The following FIG4 variants were observed in gnomAD, a reference collection of about 807,000 sequenced individuals.
FIG4 encodes FIG4 phosphoinositide 5-phosphatase.
A neutral mutation model predicts 118.6 loss-of-function variants in FIG4; 112 were observed. The observed-to-expected ratio is 0.94, with a 90% CI of 0.81 to 1.11. The LOEUF (loss-of-function observed/expected upper bound fraction) is 1.11, where lower values mean the gene tolerates loss of function less well. Among genes scored for constraint, FIG4 ranks in the 50% least tolerant of loss-of-function variants. FIG4 has a pLI of 0.00. For synonymous variants in FIG4, 369 were observed against 381.2 expected (o/e 0.97, Z 0.37); for missense variants, 969 against 1,111.7 (o/e 0.87, Z 1.83).
At chr6:109,717,950 T>C (rs1775483950) in intron 3 of FIG4, among the ~76,000 whole-genome samples, 1 of 152,208 alleles carries the variant, frequency 6.6e-6, no homozygotes, top group Admixed American at 6.5e-5. Flanking sequence ...TTGTATTGGT[T>C]CGTTCTCGCA....
chr6:109,752,307 ATG>A, intron 10 of FIG4, among the ~76,000 whole-genome samples: 1 of 151,218 alleles, frequency 6.6e-6, no homozygotes, highest in East Asian at 1.9e-4. Flanking sequence ...ATACGTGTGC[ATG>A]TGTCTTTATA....
At chr6:109,823,765 C>T (rs1396024473) in intron 22 of FIG4, among the ~76,000 whole-genome samples, 3 of 152,116 alleles carry the variant, frequency 2.0e-5, no homozygotes, top group Non-Finnish European at 1.5e-5. Flanking sequence ...AAGATGCACC[C>T]TAGCAAGGCT....
intron 21 of FIG4, among the ~76,000 whole-genome samples, chr6:109,795,095 GTTTTTTTTTTTTTTTT>G (rs571649446): frequency 5.1e-4 from 29 of 57,246 alleles, no homozygotes; most frequent in Admixed American, 1.4e-3. Flanking sequence ...ACACTTGCCA[GTTTTTTTTTTTTTTTT>G]TTTTTTTTTT....
intron 16 of FIG4, among the ~76,000 whole-genome samples, chr6:109,779,075 TTTA>T (rs1185087893): frequency 1.9e-4 from 29 of 152,114 alleles, no homozygotes; most frequent in African/African-American, 6.8e-4. Context: ...TTACATTAAA[TTTA>T]TTATTAATAA....
At chr6:109,801,650 T>A (rs570538755) in intron 22 of FIG4, among the ~76,000 whole-genome samples, 56 of 152,310 alleles carry the variant, frequency 3.7e-4, no homozygotes, top group African/African-American at 1.3e-3. Flanking sequence ...CAAGACTGGG[T>A]GAATGCCCCT....
chr6:109,776,879 C>A (rs772588651), intron 15 of FIG4, 43 bp from the exon 16 acceptor site: 3 of 1,473,102 alleles, frequency 2.0e-6, no homozygotes, highest in South Asian at 2.3e-5. Flanking sequence ...AGTTATATAT[C>A]CATCAGTAAT....
chr6:109,766,732 A>G lies in FIG4; in HGVS notation c.1587A>G (p.Leu529=), dbSNP rs1562671940. 2 of 1,613,572 alleles carry G rather than the reference A, an allele frequency of 1.2e-6. No homozygotes were observed. The highest frequency in any genetic ancestry group is 1.1e-5 in the South Asian group (1 of 91,074). The part of the protein sequence containing the change: ...NLQFDTDAVR[L]FEELYEDHGD... Reference sequence around the variant, plus strand: ...AATCGGGTTTTTCTTTTTTTAGGTTATTTGAGGAACTCTATGAAGATCATG... The same window carrying G: ...AATCGGGTTTTTCTTTTTTTAGGTTGTTTGAGGAACTCTATGAAGATCATG... The change falls in exon 15 of 23, where the codon TTA becomes TTG. Residue 529 remains leucine, a synonymous_variant. Transcript: ENST00000230124.
chr6:109,793,786 A>G (rs1778203749), intron 21 of FIG4, among the ~76,000 whole-genome samples: 1 of 152,260 alleles, frequency 6.6e-6, no homozygotes, highest in South Asian at 2.1e-4. Context: ...TATATAAAAT[A>G]TAAAATGCAC....
chr6:109,825,152 A>AAATCT lies in FIG4; in HGVS notation c.2613_2617dup (p.Thr873AsnfsTer20). 1 of 1,614,056 alleles carries AAATCT rather than the reference A, an allele frequency of 6.2e-7. No individual in the cohort carries two copies. The highest frequency in any genetic ancestry group is 8.5e-7 in the Non-Finnish European group (1 of 1,179,916). The stretch of plus-strand genomic sequence containing the variant: ...AGTTCAGCCCCCAAGAGTAGACAGA[A>AAATCT]AATCTACAGAGATCTTCCAAGCCCA... On this transcript the variant is annotated frameshift_variant, in exon 23 of 23. Transcript: ENST00000230124. LOFTEE classifies it high-confidence loss of function.
intron 3 of FIG4, among the ~76,000 whole-genome samples, chr6:109,717,565 A>G (rs572281539): frequency 6.6e-6 from 1 of 152,336 alleles, no homozygotes; most frequent in Non-Finnish European, 1.5e-5. Flanking sequence ...GTATGAATTA[A>G]ATGGTGTTGG....
At chr6:109,707,170 G>A (rs1775094614) in intron 1 of FIG4, among the ~76,000 whole-genome samples, 1 of 151,748 alleles carries the variant, frequency 6.6e-6, no homozygotes, top group Non-Finnish European at 1.5e-5. Flanking sequence ...TGAATTTCTT[G>A]ACTAGCTTTC....
In FIG4 at chr6:109,774,760, T is replaced by C. The variant is rs531923935; in HGVS notation, c.1751-2162T>C. 5.9e-5 allele frequency among the ~76,000 whole-genome samples: 9 copies of C among 152,290 alleles called. No individual in the cohort carries two copies. In the South Asian group the frequency reaches 1.7e-3, roughly 28 times the overall value. On this transcript the variant is annotated intron_variant, in intron 15 of 22. Coordinates refer to ENST00000230124, the MANE Select transcript of FIG4 (RefSeq NM_014845.6). Reference sequence around the variant, plus strand: ...AAAATTGTGTGTACCTGTTTTTCTATTAGGGGTTAATCTGTGTCTTTCCTA... The same window carrying C: ...AAAATTGTGTGTACCTGTTTTTCTACTAGGGGTTAATCTGTGTCTTTCCTA...
At chr6:109,726,735 A>G (rs556777738) in intron 3 of FIG4, among the ~76,000 whole-genome samples, 23 of 152,326 alleles carry the variant, frequency 1.5e-4, no homozygotes, top group African/African-American at 5.5e-4. Context: ...CTTCTTATCC[A>G]TGAGCATAGA....
chr6:109,790,073 T>A (rs72944972), intron 19 of FIG4, among the ~76,000 whole-genome samples: 24,683 of 152,208 alleles, frequency 0.16, 2,450 homozygotes, highest in South Asian at 0.41. Context: ...GCTATAACAT[T>A]ATTTGGGGGA....
chr6:109,728,488 A>G (rs988784249), intron 4 of FIG4, among the ~76,000 whole-genome samples: 19 of 152,302 alleles, frequency 1.2e-4, no homozygotes, highest in African/African-American at 4.6e-4. Flanking sequence ...AGTTTTTAGG[A>G]TAGGTAACAG....
At chr6:109,743,495 A>T (rs1776387830) in intron 9 of FIG4, 180 bp from the exon 10 acceptor site, 1 of 667,106 alleles carries the variant, frequency 1.5e-6, no homozygotes, top group Admixed American at 2.5e-5. Flanking sequence ...TGTAAGAATC[A>T]TTCAAATGTA....
intron 16 of FIG4, among the ~76,000 whole-genome samples, chr6:109,783,904 T>C (rs563615277): frequency 8.1e-4 from 123 of 152,198 alleles, no homozygotes; most frequent in Non-Finnish European, 1.6e-3. Flanking sequence ...GTTAGAACAG[T>C]GATTTGCCCC....
At chr6:109,704,234 A>G (rs377227010) in intron 1 of FIG4, among the ~76,000 whole-genome samples, 63 of 152,248 alleles carry the variant, frequency 4.1e-4, no homozygotes, top group Admixed American at 2.6e-4. Context: ...TTATATATCC[A>G]AAATATATCT....
intron 4 of FIG4, among the ~76,000 whole-genome samples, chr6:109,728,649 T>C (rs1037312894): frequency 3.9e-5 from 6 of 151,948 alleles, no homozygotes; most frequent in African/African-American, 9.7e-5. Flanking sequence ...TGGAAGGGGG[T>C]TATTAGAAAA....
Sources: allele counts gnomAD v4.1 joint callset (sites outside exome capture counted in the v4.1 genomes callset), GRCh38; gene constraint gnomAD v4.1.1; transcripts MANE v1.5; gene names NCBI Gene and HGNC (gene_info 2026-07-23, HGNC 2026-07-21).